The following OTOF variants were observed in gnomAD, a reference collection of about 807,000 sequenced individuals.
OTOF encodes fer-1-like family member 2.
In OTOF, 218 loss-of-function variants were observed where a neutral mutation model predicts 236.8. The ratio of observed to expected loss-of-function variants is 0.92; its 90% CI spans 0.82 to 1.03. The LOEUF (loss-of-function observed/expected upper bound fraction) is 1.03. OTOF is among the 50% of genes least tolerant of loss of function. The pLI is 0.00. For missense variants in OTOF, 2,590 were observed against 2,694.4 expected (o/e 0.96, Z 0.86); for synonymous variants, 1,041 against 1,072.5 (o/e 0.97, Z 0.57).
intron 40 of OTOF, 100 bp downstream of exon 40, chr2:26,463,864 G>A: frequency 6.7e-7 from 1 of 1,502,038 alleles, no homozygotes; most frequent in Non-Finnish European, 9.3e-7. Flanking sequence ...CTGGAATGCA[G>A]CGGACAGCGT....
intron 11 of OTOF, among the ~76,000 whole-genome samples, chr2:26,487,716 G>A (rs1414777947): frequency 1.3e-5 from 2 of 152,170 alleles, no homozygotes; most frequent in African/African-American, 2.4e-5. Flanking sequence ...CCTGCCAGTG[G>A]TACCAGGGCC....
intron 9 of OTOF, among the ~76,000 whole-genome samples, chr2:26,491,433 C>T (rs886865900): frequency 6.6e-6 from 1 of 152,142 alleles, no homozygotes; most frequent in Non-Finnish European, 1.5e-5. Context: ...AGAGAGGTGA[C>T]AGACTCCTAG....
chr2:26,514,660 C>T (rs1666475886), intron 5 of OTOF, among the ~76,000 whole-genome samples: 1 of 152,232 alleles, frequency 6.6e-6, no homozygotes, highest in Non-Finnish European at 1.5e-5. Context: ...CCAGATGTAA[C>T]TTGCTGAACC....
chr2:26,536,729 G>A (rs932213252), intron 2 of OTOF, among the ~76,000 whole-genome samples: 1 of 152,170 alleles, frequency 6.6e-6, no homozygotes, highest in African/African-American at 2.4e-5. Context: ...CCAACCCCAG[G>A]AGAGAGGGGG....
chr2:26,483,722 C>A, intron 12 of OTOF, 74 bp from the exon 13 acceptor site: 1 of 1,344,996 alleles, frequency 7.4e-7, no homozygotes, highest in South Asian at 1.2e-5. Flanking sequence ...TCTACACACT[C>A]CTGGGTCCTG....
At position 26,473,529 on chromosome 2, in the gene OTOF, G is replaced by T. The variant is rs929021798; in HGVS notation, c.3447C>A (p.Asn1149Lys). The T allele has an allele frequency of 6.2e-7, 1 of 1,611,912 alleles. No individual in the cohort carries two copies. Among genetic ancestry groups the T allele is most frequent in the Non-Finnish European group, 8.5e-7 (1 of 1,179,800 alleles). Reference protein sequence around the residue: ...FWGLRDLKRVNLAQVDRPRVD... With the variant: ...FWGLRDLKRVKLAQVDRPRVD... ...CCCGTGGCCGGTCCACCTGGGCCAG[G>T]TTCACCCGCTTTAGGTCCCGTAGGC... The change falls in exon 28 of 47, where the codon AAC (asparagine) becomes AAA (lysine). Residue 1149 changes from asparagine to lysine, a missense_variant. Transcript: ENST00000272371. The surrounding 1 kb of genome is among the most constrained non-coding windows in gnomAD (Gnocchi z 7.2).
At position 26,479,314 on chromosome 2, in the gene OTOF, G is replaced by A. The variant is rs746368147; in HGVS notation, c.2164C>T (p.Arg722Cys). ...ATGTTGGCATTGTAGAGGCGGCGGC[G>A]CTGGTCCGGCCACCAGCTCTTGATG... ...IYIKSWWPDQ[R>C]RRLYNANIMD... The change falls in exon 18 of 47, where the codon CGC (arginine) becomes TGC (cysteine). Residue 722 changes from arginine to cysteine, a missense_variant. By Grantham distance (180) the Arg-to-Cys change is radical. Transcript: ENST00000272371. 7 of 1,612,060 alleles carry A rather than the reference G, an allele frequency of 4.3e-6. No homozygotes were observed. Among genetic ancestry groups the A allele is most frequent in the Admixed American group, 3.3e-5 (2 of 59,866 alleles).
In OTOF at chr2:26,462,034, G is replaced by C; in HGVS notation, c.5291+49C>G. On this transcript the variant is annotated intron_variant, in intron 42 of 46. Transcript: ENST00000272371. The surrounding 1 kb of genome is among the most constrained non-coding windows in gnomAD (Gnocchi z 4.7). Reference sequence around the variant, plus strand: ...TGCCTCCTCTCCTGCCCCCCGGGAAGCAAGCCCCACCCAGCTCAGTCCCTC... The same window carrying C: ...TGCCTCCTCTCCTGCCCCCCGGGAACCAAGCCCCACCCAGCTCAGTCCCTC... 6.2e-7 allele frequency: 1 copy of C among 1,611,676 alleles called. No homozygotes were observed. The highest frequency in any genetic ancestry group is 8.5e-7 in the Non-Finnish European group (1 of 1,178,270).
At position 26,484,574 on chromosome 2, in the gene OTOF, G is replaced by T. The variant is rs377328873; in HGVS notation, c.1105C>A (p.Leu369Met). 30 of 1,613,798 alleles carry T rather than the reference G, an allele frequency of 1.9e-5. No homozygotes were observed. In the African/African-American group the frequency reaches 3.6e-4, roughly 19 times the overall value. ...ACGTCACACTTCACGTAGCCCTTCA[G>T]CCCCGAGGAGATGTCATCGGGGTCA... ...LSDPDDISSG[L>M]KGYVKCDVAV... Residue 369 changes from leucine to methionine, a missense_variant, in exon 12 of 47, where the codon CTG (leucine) becomes ATG (methionine). By Grantham distance (15) the Leu-to-Met change is conservative. This residue lies in a region of OTOF where 1,379 missense variants were observed against 1,341.6 expected (regional missense o/e 1.03). Coordinates refer to ENST00000272371, the MANE Select transcript of OTOF (RefSeq NM_194248.3).
intron 1 of OTOF, among the ~76,000 whole-genome samples, chr2:26,553,830 G>C (rs752652202): frequency 6.6e-6 from 1 of 152,026 alleles, no homozygotes; most frequent in Admixed American, 6.6e-5. Flanking sequence ...GCTTACACAC[G>C]CAATCCCTCT....
chr2:26,487,195 C>A (rs1665721289), intron 11 of OTOF, among the ~76,000 whole-genome samples: 2 of 152,232 alleles, frequency 1.3e-5, no homozygotes, highest in African/African-American at 2.4e-5. Flanking sequence ...TTCCCAGCAG[C>A]ACCCAGGAGT....
intron 1 of OTOF, among the ~76,000 whole-genome samples, chr2:26,549,550 A>G (rs1244517893): frequency 2.0e-5 from 3 of 152,206 alleles, no homozygotes; most frequent in African/African-American, 7.2e-5. Context: ...TTTCTCAGCT[A>G]AATGGAGGCC....
chr2:26,538,968 A>G (rs1489768962), intron 1 of OTOF, among the ~76,000 whole-genome samples: 2 of 152,008 alleles, frequency 1.3e-5, no homozygotes, highest in Non-Finnish European at 2.9e-5. Flanking sequence ...CGCCGCCACC[A>G]TGCCCAGCTA....
intron 40 of OTOF, 147 bp from the exon 41 acceptor site, chr2:26,463,718 C>T: frequency 1.2e-6 from 1 of 821,136 alleles, no homozygotes; most frequent in Non-Finnish European, 2.0e-6. Context: ...TATGATGTCA[C>T]CAATAGCCAA....
In OTOF at chr2:26,479,603, G is replaced by A. The variant is rs376509813; in HGVS notation, c.1963C>T (p.Pro655Ser). The A allele has an allele frequency of 2.3e-5, 37 of 1,612,436 alleles. No homozygotes were observed. The highest frequency in any genetic ancestry group is 3.1e-5 in the Non-Finnish European group (37 of 1,179,794). Residue 655 changes from proline (P) to serine (S), a missense_variant, in exon 17 of 47, where the codon CCC becomes TCC. By Grantham distance (74) the Pro-to-Ser change is moderately conservative (BLOSUM62 -1). Transcript: ENST00000272371. ...DGLSRPQRPR[P>S]RKEPGDEEEV... is the part of the protein sequence containing the mutation. ...TCCTCATCCCCCGGCTCCTTCCGGG[G>A]CCGAGGCCGCTGGGGCCGGGACAGG...
intron 40 of OTOF, among the ~76,000 whole-genome samples, 172 bp from the exon 41 acceptor site, chr2:26,463,743 G>A (rs1045465307): frequency 5.9e-5 from 9 of 152,202 alleles, no homozygotes; most frequent in Admixed American, 3.3e-4. Context: ...AGCTTCTGAG[G>A]GAGACAACCC....
At chr2:26,507,817 C>T (rs181804307) in intron 5 of OTOF, among the ~76,000 whole-genome samples, 1 of 152,210 alleles carries the variant, frequency 6.6e-6, no homozygotes, top group East Asian at 1.9e-4. Flanking sequence ...ATGAAATGCA[C>T]CTACAATCTA....
chr2:26,508,080 A>G (rs993415590), intron 5 of OTOF, among the ~76,000 whole-genome samples: 1 of 152,202 alleles, frequency 6.6e-6, no homozygotes, highest in Non-Finnish European at 1.5e-5. Flanking sequence ...AGACCTGACC[A>G]TAAATGAGCT....
rs369341965 is a variant in OTOF at position 26,465,853 on chromosome 2, G to A, written c.4629-11C>T. 2.5e-6 allele frequency: 4 copies of A among 1,614,134 alleles called. No homozygotes were observed. The highest frequency in any genetic ancestry group is 1.3e-5 in the African/African-American group (1 of 74,950). On this transcript the variant is annotated splice_polypyrimidine_tract_variant and intron_variant, in intron 37 of 46. Transcript: ENST00000272371. Reference sequence around the variant, plus strand: ...TCGATGTCAAAGGACCTGGTGGGGTGGAGTTAGGAGAAGGGCTTAAGGATT... The same window carrying A: ...TCGATGTCAAAGGACCTGGTGGGGTAGAGTTAGGAGAAGGGCTTAAGGATT...
Sources: gnomAD v4.1 joint callset for allele counts (sites outside exome capture counted in the v4.1 genomes callset) on GRCh38, gnomAD v4.1.1 for gene constraint, gnomAD v4.1.1 regional missense constraint, Gnocchi (gnomAD v3.1) non-coding constraint, MANE v1.5 for transcripts, NCBI Gene and HGNC (gene_info 2026-07-23, HGNC 2026-07-21) for gene names.